Variants in PPFIA2 observed in about 807,000 individuals in gnomAD.
PPFIA2 encodes liprin-alpha-2.
PPFIA2 carries 46 observed loss-of-function variants against 175.5 expected under a neutral mutation model. The ratio of observed to expected loss-of-function variants is 0.26; its 90% CI spans 0.21 to 0.34. The LOEUF is 0.34. PPFIA2 is among the 10% of genes least tolerant of loss of function. PPFIA2 has a pLI of 1.00. For synonymous variants in PPFIA2, 568 were observed against 511.4 expected (o/e 1.11, Z -1.49); for missense variants, 1,179 against 1,506.1 (o/e 0.78, Z 3.60).
intron 4 of PPFIA2, among the ~76,000 whole-genome samples, chr12:81,544,779 G>A (rs2066738863): frequency 6.6e-6 from 1 of 152,020 alleles, no homozygotes. Context: ...CCTTCTAGAT[G>A]CTTATTTTCT....
At chr12:81,481,633 A>T (rs571267399) in intron 4 of PPFIA2, among the ~76,000 whole-genome samples, 209 of 152,302 alleles carry the variant, frequency 1.4e-3, no homozygotes, top group Middle Eastern at 3.4e-3. Context: ...AAAACAAGCA[A>T]TGGGGAAAGG....
intron 12 of PPFIA2, 45 bp from the exon 13 acceptor site, chr12:81,368,901 T>G: frequency 6.4e-7 from 1 of 1,573,862 alleles, no homozygotes; most frequent in Non-Finnish European, 8.6e-7. Context: ...AAAAACTGTT[T>G]GAGATTATTT....
chr12:81,411,449 C>T (rs2043953964), intron 7 of PPFIA2, among the ~76,000 whole-genome samples: 1 of 152,026 alleles, frequency 6.6e-6, no homozygotes, highest in African/African-American at 2.4e-5. Flanking sequence ...TATTTTCAAG[C>T]CAATCTTCTA....
chr12:81,614,480 C>T (rs1392647124), intron 4 of PPFIA2, among the ~76,000 whole-genome samples: 2 of 152,056 alleles, frequency 1.3e-5, no homozygotes, highest in Non-Finnish European at 2.9e-5. Flanking sequence ...ATGGACATTA[C>T]ATTCAAAATC....
At chr12:81,505,340 G>A (rs2061038582) in intron 4 of PPFIA2, among the ~76,000 whole-genome samples, 1 of 151,982 alleles carries the variant, frequency 6.6e-6, no homozygotes, top group Non-Finnish European at 1.5e-5. Flanking sequence ...AAAATAAGAG[G>A]TTCAGTTGAA....
At position 81,605,622 on chromosome 12, in the gene PPFIA2, CCTGT is replaced by C. The variant is rs546216026; in HGVS notation, c.303+71165_303+71168del. ...CTAGTTAAGTATGTAATATCACTAG[CCTGT>C]CTGTCTATCCATCCATCCATCCAGC... On this transcript the variant is annotated intron_variant, in intron 4 of 32. Transcript: ENST00000549396. 5.7e-3 allele frequency among the ~76,000 whole-genome samples: 858 copies of C among 150,920 alleles called. 5 individuals carry two copies. The highest frequency in any genetic ancestry group is 0.02 in the African/African-American group (806 of 41,088).
intron 3 of PPFIA2, among the ~76,000 whole-genome samples, chr12:81,721,198 G>A (rs755615010): frequency 3.2e-4 from 48 of 151,132 alleles, no homozygotes; most frequent in Non-Finnish European, 6.7e-4. Flanking sequence ...GTGCAGAAAG[G>A]GCCAACTGTG....
rs184328962 is a variant in PPFIA2 at position 81,672,671 on chromosome 12, T to C, written c.303+4120A>G. On this transcript the variant is annotated intron_variant, in intron 4 of 32. Coordinates refer to ENST00000549396, the MANE Select transcript of PPFIA2 (RefSeq NM_003625.5). The stretch of plus-strand genomic sequence containing the variant: ...TAAGTTCTATAGGGAGCAAAATGTA[T>C]AGATCTTATTATTCCAAAGAAATAA... 1.7e-3 allele frequency among the ~76,000 whole-genome samples: 255 copies of C among 152,138 alleles called. 2 individuals carry two copies. Among genetic ancestry groups the C allele is most frequent in the Non-Finnish European group, 1.0e-3 (68 of 67,952 alleles).
At chr12:81,743,284 G>A (rs1303324173) in intron 3 of PPFIA2, among the ~76,000 whole-genome samples, 2 of 151,696 alleles carry the variant, frequency 1.3e-5, no homozygotes, top group African/African-American at 4.8e-5. Context: ...GGGCATGGTG[G>A]CACATGCCTG....
At chr12:81,628,418 C>A (rs1042336199) in intron 4 of PPFIA2, among the ~76,000 whole-genome samples, 1 of 148,314 alleles carries the variant, frequency 6.7e-6, no homozygotes, top group Non-Finnish European at 1.5e-5. Flanking sequence ...ACTCTGTCAC[C>A]CAGGCTGGAG....
chr12:81,619,986 CGT>C (rs2061852791), intron 4 of PPFIA2, among the ~76,000 whole-genome samples: 1 of 151,716 alleles, frequency 6.6e-6, no homozygotes, highest in African/African-American at 2.4e-5. Flanking sequence ...AGTGAAACCC[CGT>C]CTCTACTGAA....
intron 28 of PPFIA2, chr12:81,270,721 CTGT>C (rs1245772267): frequency 1.3e-5 from 2 of 152,150 alleles, no homozygotes; most frequent in African/African-American, 4.8e-5. Flanking sequence ...CAACACATTT[CTGT>C]TGTTTAAGAC....
At chr12:81,588,351 T>G (rs1324038468) in intron 4 of PPFIA2, among the ~76,000 whole-genome samples, 1 of 151,810 alleles carries the variant, frequency 6.6e-6, no homozygotes, top group Non-Finnish European at 1.5e-5. Flanking sequence ...GCACACACAC[T>G]CAAAATAATG....
chr12:81,278,129 C>G (rs369978839), intron 27 of PPFIA2, among the ~76,000 whole-genome samples: 3 of 152,006 alleles, frequency 2.0e-5, no homozygotes, highest in Non-Finnish European at 4.4e-5. Flanking sequence ...AGGAGGAATA[C>G]AATTATACAT....
chr12:81,624,483 A>G (rs1368096377), intron 4 of PPFIA2, among the ~76,000 whole-genome samples: 1 of 146,922 alleles, frequency 6.8e-6, no homozygotes, highest in Non-Finnish European at 1.5e-5. Flanking sequence ...TATATATATC[A>G]TACATTAATG....
chr12:81,371,628 G>C (rs538729166), intron 11 of PPFIA2, among the ~76,000 whole-genome samples: 69 of 151,600 alleles, frequency 4.6e-4, no homozygotes, highest in African/African-American at 1.6e-3. Context: ...AAAAGAATTT[G>C]GTCCTGTTTA....
chr12:81,292,372 G>C (rs1176651949), intron 24 of PPFIA2: 1 of 151,956 alleles, frequency 6.6e-6, no homozygotes, highest in East Asian at 1.9e-4. Flanking sequence ...GGTTTGAACT[G>C]CATCATTCCA....
intron 3 of PPFIA2, among the ~76,000 whole-genome samples, chr12:81,680,885 G>C (rs1035677422): frequency 6.6e-6 from 1 of 151,864 alleles, no homozygotes; most frequent in Non-Finnish European, 1.5e-5. Context: ...AGTAGGTGCT[G>C]GTTCTTAGGG....
chr12:81,649,743 G>A (rs1035108089), intron 4 of PPFIA2, among the ~76,000 whole-genome samples: 4 of 152,110 alleles, frequency 2.6e-5, no homozygotes, highest in African/African-American at 4.8e-5. Flanking sequence ...TACTGATACC[G>A]CAAAACCATA....
Sources: gnomAD v4.1 joint callset for allele counts (sites outside exome capture counted in the v4.1 genomes callset) on GRCh38, gnomAD v4.1.1 for gene constraint, MANE v1.5 for transcripts, NCBI Gene and HGNC (gene_info 2026-07-23, HGNC 2026-07-21) for gene names.